Variants in LONP2 observed in about 807,000 individuals in gnomAD.
LONP2 encodes lon peptidase 2, peroxisomal, also known as lon protease homolog 2, peroxisomal.
Under a neutral mutation model 85.6 loss-of-function variants are expected in LONP2, and 60 were observed. The ratio of observed to expected loss-of-function variants is 0.70; its 90% CI spans 0.57 to 0.87. The LOEUF is 0.87. Among genes scored for constraint, LONP2 ranks in the 40% least tolerant of loss-of-function variants. The pLI is 0.00. For synonymous variants in LONP2, 395 were observed against 389.7 expected (o/e 1.01, Z -0.16); for missense variants, 860 against 1,063.5 (o/e 0.81, Z 2.66).
chr16:48,292,647 TAAC>T (rs1972579650), intron 8 of LONP2, among the ~76,000 whole-genome samples: 1 of 152,244 alleles, frequency 6.6e-6, no homozygotes, highest in South Asian at 2.1e-4. Flanking sequence ...ACACTATTCT[TAAC>T]ACCAATCACA....
chr16:48,252,984 A>G (rs894896321), intron 2 of LONP2, among the ~76,000 whole-genome samples: 2 of 152,182 alleles, frequency 1.3e-5, no homozygotes, highest in Non-Finnish European at 2.9e-5. Context: ...ATAGTCTTCT[A>G]CTTTTCTATT....
At chr16:48,334,139 G>T in intron 11 of LONP2, 77 bp from the exon 12 acceptor site, 1 of 1,413,884 alleles carries the variant, frequency 7.1e-7, no homozygotes. Flanking sequence ...CTGGGCTTTT[G>T]TTTGATATTT....
downstream of LONP2, chr16:48,361,708 G>C: frequency 6.2e-7 from 1 of 1,614,112 alleles, no homozygotes; most frequent in Non-Finnish European, 8.5e-7. Flanking sequence ...TGAATAGATC[G>C]AGGAGTCGCT....
chr16:48,358,957 T>C (rs1413549312), downstream of LONP2, among the ~76,000 whole-genome samples: 2 of 152,184 alleles, frequency 1.3e-5, no homozygotes, highest in Non-Finnish European at 2.9e-5. Flanking sequence ...ATAGTAAAAC[T>C]ACAAAATGAT....
intron 1 of LONP2, among the ~76,000 whole-genome samples, chr16:48,245,032 T>G (rs925040576): frequency 6.6e-6 from 1 of 152,148 alleles, no homozygotes; most frequent in Non-Finnish European, 1.5e-5. Flanking sequence ...CCTTTACTCC[T>G]ATCCGCCTCC....
chr16:48,252,396 A>G, intron 2 of LONP2, 31 bp downstream of exon 2: 1 of 1,434,096 alleles, frequency 7.0e-7, no homozygotes, highest in Non-Finnish European at 9.4e-7. Flanking sequence ...CTTAAAACCC[A>G]TTTTTCTTTG....
chr16:48,299,572 ACT>A (rs1972757075), intron 9 of LONP2, 88 bp from the exon 10 acceptor site: 11 of 1,386,032 alleles, frequency 7.9e-6, no homozygotes, highest in Non-Finnish European at 9.9e-6. Context: ...ACAGAGCAAG[ACT>A]CTGTCTCTAA....
intron 8 of LONP2, among the ~76,000 whole-genome samples, chr16:48,294,177 C>T (rs56957895): frequency 3.3e-5 from 5 of 152,044 alleles, no homozygotes; most frequent in African/African-American, 4.8e-5. Context: ...CTGACCTCAA[C>T]TGATCTGCCT....
At chr16:48,315,937 A>G (rs1828303296) in intron 11 of LONP2, among the ~76,000 whole-genome samples, 1 of 130,426 alleles carries the variant, frequency 7.7e-6, no homozygotes, top group South Asian at 2.5e-4. Flanking sequence ...TATTAAGCCT[A>G]TGAAGTTCTT....
At chr16:48,286,338 T>C (rs1469836000) in intron 8 of LONP2, among the ~76,000 whole-genome samples, 1 of 152,030 alleles carries the variant, frequency 6.6e-6, no homozygotes, top group Non-Finnish European at 1.5e-5. Flanking sequence ...AGATGGGGTT[T>C]CACCATGTTA....
At chr16:48,336,263 C>T (rs1959645569) in intron 12 of LONP2, 1 of 425,948 alleles carries the variant, frequency 2.3e-6, no homozygotes, top group Non-Finnish European at 4.7e-6. Context: ...TTTATAAACA[C>T]TGCTTACCAG....
At chr16:48,334,516 C>T in intron 12 of LONP2, 158 bp downstream of exon 12, 3 of 861,376 alleles carry the variant, frequency 3.5e-6, no homozygotes, top group South Asian at 1.4e-5. Flanking sequence ...TGTGGCCGCA[C>T]TTCTTGCAGC....
intron 11 of LONP2, among the ~76,000 whole-genome samples, chr16:48,332,195 A>G (rs75761287): frequency 2.0e-5 from 3 of 152,252 alleles, no homozygotes; most frequent in African/African-American, 7.2e-5. Context: ...AGGGTCTACT[A>G]GTATTAAACA....
chr16:48,302,659 A>G (rs559459031), intron 10 of LONP2, among the ~76,000 whole-genome samples: 3 of 152,392 alleles, frequency 2.0e-5, no homozygotes, highest in African/African-American at 4.8e-5. Context: ...AATCTTCACA[A>G]TGAAAATACA....
intron 11 of LONP2, among the ~76,000 whole-genome samples, chr16:48,324,331 T>C (rs1051563833): frequency 3.9e-5 from 6 of 152,202 alleles, no homozygotes; most frequent in Non-Finnish European, 8.8e-5. Context: ...AAACAAGGTC[T>C]GAAATCGTGT....
chr16:48,264,486 T>C (rs1029563522), intron 6 of LONP2, among the ~76,000 whole-genome samples: 3 of 152,234 alleles, frequency 2.0e-5, no homozygotes, highest in Non-Finnish European at 2.9e-5. Flanking sequence ...ATCTCTCTTA[T>C]TCCCTGAACA....
chr16:48,272,554 G>A (rs906564482), intron 7 of LONP2, among the ~76,000 whole-genome samples: 2 of 152,104 alleles, frequency 1.3e-5, no homozygotes, highest in African/African-American at 4.8e-5. Context: ...TTTTGTAAAA[G>A]GAGGTTGTGT....
At chr16:48,278,273 C>A (rs552272625) in intron 8 of LONP2, among the ~76,000 whole-genome samples, 1 of 152,262 alleles carries the variant, frequency 6.6e-6, no homozygotes, top group East Asian at 1.9e-4. Context: ...GGTGTTCTAT[C>A]CATTTTATCT....
chr16:48,277,192 A>T, intron 7 of LONP2, 146 bp from the exon 8 acceptor site: 1 of 616,320 alleles, frequency 1.6e-6, no homozygotes, highest in African/African-American at 1.9e-5. Flanking sequence ...GATTTATCAT[A>T]GTGCCTTTTA....
Sources: gnomAD v4.1 joint callset for allele counts (sites outside exome capture counted in the v4.1 genomes callset) on GRCh38, gnomAD v4.1.1 for gene constraint, MANE v1.5 for transcripts, NCBI Gene and HGNC (gene_info 2026-07-23, HGNC 2026-07-21) for gene names.